The following LINGO1 variants were observed in gnomAD, a reference collection of about 807,000 sequenced individuals.
The protein encoded by LINGO1 is leucine-rich repeat and immunoglobulin-like domain-containing nogo receptor-interacting protein 1.
LINGO1 carries 11 observed loss-of-function variants against 37.3 expected under a neutral mutation model. The observed-to-expected ratio is 0.29, with a 90% CI of 0.19 to 0.49. LINGO1 has a LOEUF of 0.49. Ranked by LOEUF, LINGO1 falls within the 20% of genes least tolerant of loss-of-function variation. The pLI is 0.99. For synonymous variants in LINGO1, 387 were observed against 403.0 expected, an observed-to-expected ratio of 0.96 and a Z score of 0.48; for missense variants, 585 against 878.2, an observed-to-expected ratio of 0.67 and a Z score of 4.22.
intron 2 of LINGO1, among the ~76,000 whole-genome samples, chr15:77,710,608 G>A (rs889429629): frequency 2.6e-5 from 4 of 152,336 alleles, no homozygotes; most frequent in Admixed American, 6.5e-5. Flanking sequence ...TCTGCTGGGC[G>A]TCTCTGCCAG....
intron 1 of LINGO1, among the ~76,000 whole-genome samples, chr15:77,775,000 C>T (rs2076622967): frequency 6.6e-6 from 1 of 152,202 alleles, no homozygotes; most frequent in South Asian, 2.1e-4. Context: ...GACTAGAACC[C>T]ACGTCTCACG....
intron 2 of LINGO1, among the ~76,000 whole-genome samples, chr15:77,712,642 C>T (rs564456931): frequency 1.3e-5 from 2 of 152,308 alleles, no homozygotes; most frequent in East Asian, 1.9e-4. Context: ...GTGGCCCCAC[C>T]TCCACTCTCC....
rs1437166868 is a variant in LINGO1 at position 77,755,767 on chromosome 15, G to GT, written c.-256-20715dup. ...GCCACCTCTCCAGCTCTGTGCCTTT[G>GT]TCAGTGGCCCCACCCCACCTGGCTG... On this transcript the variant is annotated intron_variant, in intron 1 of 3. Coordinates refer to the LINGO1 transcript ENST00000561686. 2.0e-5 allele frequency among the ~76,000 whole-genome samples: 3 copies of GT among 152,238 alleles called. No individual in the cohort carries two copies. The East Asian group carries it at 5.8e-4, about 29-fold the overall frequency.
At chr15:77,655,507 G>A (rs924602525) in intron 3 of LINGO1, among the ~76,000 whole-genome samples, 9 of 152,148 alleles carry the variant, frequency 5.9e-5, no homozygotes, top group South Asian at 2.1e-4. Flanking sequence ...TACCACATCC[G>A]TTTGCTCCTC....
intron 2 of LINGO1, among the ~76,000 whole-genome samples, chr15:77,712,146 C>T (rs981028706): frequency 6.6e-6 from 1 of 152,218 alleles, no homozygotes; most frequent in African/African-American, 2.4e-5. Context: ...CTTCCCCATG[C>T]TGGGGGTGCC....
chr15:77,757,895 G>A (rs1410333064), intron 1 of LINGO1, among the ~76,000 whole-genome samples: 4 of 152,216 alleles, frequency 2.6e-5, no homozygotes, highest in Admixed American at 6.5e-5. Flanking sequence ...AGACCTGCTC[G>A]TTAATCACCG....
intron 1 of LINGO1, among the ~76,000 whole-genome samples, chr15:77,809,734 C>T (rs1028717974): frequency 6.6e-6 from 1 of 152,212 alleles, no homozygotes; most frequent in Non-Finnish European, 1.5e-5. Context: ...ATGACCTGTC[C>T]TCCCCACCTG....
At chr15:77,810,987 G>C (rs904067901) in intron 1 of LINGO1, among the ~76,000 whole-genome samples, 1 of 151,904 alleles carries the variant, frequency 6.6e-6, no homozygotes, top group African/African-American at 2.4e-5. Flanking sequence ...TCACCCCCTT[G>C]AGTTTCACTT....
intron 1 of LINGO1, among the ~76,000 whole-genome samples, chr15:77,743,760 G>T (rs2076287341): frequency 6.6e-6 from 1 of 151,860 alleles, no homozygotes; most frequent in Admixed American, 6.5e-5. Context: ...CTAGGGAGAG[G>T]CAGGCAGCTG....
At chr15:77,628,314 T>C (rs887964381) in intron 1 of LINGO1, among the ~76,000 whole-genome samples, 4 of 152,152 alleles carry the variant, frequency 2.6e-5, no homozygotes, top group African/African-American at 9.7e-5. Context: ...TAAATGTCCA[T>C]TGGTAGGAGA....
chr15:77,746,187 G>A (rs1277265759), intron 1 of LINGO1, among the ~76,000 whole-genome samples: 2 of 143,572 alleles, frequency 1.4e-5, no homozygotes, highest in Admixed American at 7.1e-5. Flanking sequence ...TAGCCTGGGA[G>A]AGAGAGCGAG....
At chr15:77,688,642 G>C (rs941399583) in intron 2 of LINGO1, among the ~76,000 whole-genome samples, 1 of 152,128 alleles carries the variant, frequency 6.6e-6, no homozygotes, top group African/African-American at 2.4e-5. Context: ...GGCTGCAGTC[G>C]GCACTGAATG....
At chr15:77,739,422 C>T (rs2076238194) in intron 1 of LINGO1, among the ~76,000 whole-genome samples, 1 of 152,226 alleles carries the variant, frequency 6.6e-6, no homozygotes, top group Non-Finnish European at 1.5e-5. Context: ...CCTTGGGGGC[C>T]TCAGGGGCTG....
At chr15:77,702,258 C>T (rs937157076) in intron 2 of LINGO1, among the ~76,000 whole-genome samples, 1 of 152,204 alleles carries the variant, frequency 6.6e-6, no homozygotes, top group African/African-American at 2.4e-5. Flanking sequence ...TCCTAGTCAT[C>T]CTGTCTGCAA....
intron 2 of LINGO1, among the ~76,000 whole-genome samples, chr15:77,681,595 C>T (rs1039807667): frequency 1.3e-5 from 2 of 152,200 alleles, no homozygotes; most frequent in South Asian, 2.1e-4. Flanking sequence ...CAACATGAAT[C>T]GTTTTCCCTT....
rs2142463366 is a variant in LINGO1 at position 77,613,210 on chromosome 15, C to G, written c.*834G>C. 6.6e-6 allele frequency: 1 copy of G among 152,400 alleles called. No homozygotes were observed. Among genetic ancestry groups the G allele is most frequent in the East Asian group, 1.9e-4 (1 of 5,168 alleles). The allele number at this position is 152,400 out of a possible 1,614,324, so 9.4% of individuals were successfully genotyped here. On this transcript the variant is annotated 3_prime_UTR_variant, in exon 2 of 2. Coordinates refer to ENST00000355300, the MANE Select transcript of LINGO1 (RefSeq NM_032808.7). ...GCCACACAGCAAGTGAGCAGCAGAG[C>G]TGGGACCAGAGGCTGGGGTGGGCCC...
At chr15:77,763,810 A>T (rs746242544) in intron 1 of LINGO1, among the ~76,000 whole-genome samples, 2 of 152,128 alleles carry the variant, frequency 1.3e-5, no homozygotes, top group Non-Finnish European at 2.9e-5. Context: ...GTGATCCCAA[A>T]GCCCCTCCCA....
chr15:77,778,463 C>T (rs555884447), intron 1 of LINGO1, among the ~76,000 whole-genome samples: 2 of 152,304 alleles, frequency 1.3e-5, no homozygotes, highest in South Asian at 2.1e-4. Context: ...AGACAACTAA[C>T]GGGCACATCA....
intron 2 of LINGO1, among the ~76,000 whole-genome samples, chr15:77,718,337 A>T (rs1486390878): frequency 1.3e-5 from 2 of 150,988 alleles, no homozygotes; most frequent in African/African-American, 4.8e-5. Flanking sequence ...ACCCACGCCC[A>T]TCCCATGTAT....
Sources: allele counts gnomAD v4.1 joint callset (sites outside exome capture counted in the v4.1 genomes callset), GRCh38; gene constraint gnomAD v4.1.1; transcripts MANE v1.5; gene names NCBI Gene and HGNC (gene_info 2026-07-23, HGNC 2026-07-21).